PHEX: variants seen among roughly 807,000 people sequenced by gnomAD.
The protein encoded by PHEX is phosphate-regulating neutral endopeptidase PHEX.
In PHEX, 16 loss-of-function variants were observed where a neutral mutation model predicts 68.0. The ratio of observed to expected loss-of-function variants is 0.24; its 90% CI spans 0.16 to 0.36. PHEX has a LOEUF of 0.36. PHEX is among the 10% of genes least tolerant of loss of function. The probability of loss-of-function intolerance (pLI) is 1.00; values close to 1 mark genes in which losing one functional copy is unlikely to be tolerated. For missense variants in PHEX, 480 were observed against 575.5 expected (o/e 0.83, Z 1.70); for synonymous variants, 208 against 205.1 (o/e 1.01, Z -0.12).
rs905625079 is a variant in PHEX, at chrX:22,038,389, T to C, written c.119-80T>C. The stretch of plus-strand genomic sequence containing the variant: ...GAGAAGGATGAACTGATATCAAATA[T>C]CTTGCGTATGTTTCCGAGGGTGGTT... On this transcript the variant is annotated intron_variant, in intron 1 of 21. Coordinates refer to ENST00000379374, the MANE Select transcript of PHEX (RefSeq NM_000444.6). The C allele has an allele frequency of 2.0e-5, 13 of 634,185 alleles. No individual in the cohort carries two copies. In the African/African-American group the frequency reaches 2.2e-4, roughly 11 times the overall value. 52.3% of individuals were successfully genotyped at this position (634,185 alleles called of 1,213,427 possible).
intron 9 of PHEX, among the ~76,000 whole-genome samples, chrX:22,110,495 A>G (rs1930914361): frequency 9.0e-6 from 1 of 111,578 alleles, no homozygotes; most frequent in Non-Finnish European, 1.9e-5. Flanking sequence ...GTACATGTGT[A>G]CAACGTGCAG....
chrX:22,104,105 G>C (rs1930556081), intron 9 of PHEX, among the ~76,000 whole-genome samples: 1 of 111,946 alleles, frequency 8.9e-6, no homozygotes, highest in Non-Finnish European at 1.9e-5. Context: ...CTTCTTTTGA[G>C]AATTGTCTAT....
At chrX:22,214,976 G>T (rs1935041647) in intron 16 of PHEX, among the ~76,000 whole-genome samples, 1 of 111,473 alleles carries the variant, frequency 9.0e-6, no homozygotes, top group Admixed American at 9.6e-5. Context: ...AAAAATTAAA[G>T]GTTTAGGATA....
rs1470633001 is a variant in PHEX, at chrX:22,249,451, AAAAAATATATAT to A, written c.*1500_*1511del. On this transcript the variant is annotated 3_prime_UTR_variant, in exon 22 of 22. Coordinates refer to ENST00000379374, the MANE Select transcript of PHEX (RefSeq NM_000444.6). Reference sequence around the variant, plus strand: ...TGATTTGTGATTCTTTTAAAAAAAAAAAAAATATATATATATATATATATATATATATATATG... The same window carrying A: ...TGATTTGTGATTCTTTTAAAAAAAAAATATATATATATATATATATATATG... 4 of 28,521 alleles carry A rather than the reference AAAAAATATATAT, an allele frequency of 1.4e-4. No homozygotes were observed. Among genetic ancestry groups the A allele is most frequent in the African/African-American group, 6.2e-4 (3 of 4,815 alleles). The allele number at this position is 28,521 out of a possible 1,213,427, so 2.4% of individuals were successfully genotyped here. A position where few individuals can be genotyped will look rare whatever the true frequency, so the allele number is the denominator to read the frequency against.
rs1330397563 is a variant in PHEX, at chrX:22,167,702, C to A, written c.1405-610C>A. ...TAGAGACAGGGTCCCGCTGTGTTGC[C>A]CAGGCTGGTCTTGAATTCCTGGCCT... On this transcript the variant is annotated intron_variant, in intron 12 of 21. Transcript: ENST00000379374. Among the ~76,000 whole-genome samples the A allele has an allele frequency of 2.8e-5, 3 of 109,059 alleles. No homozygotes were observed. In the Admixed American group the frequency reaches 3.0e-4, roughly 11 times the overall value. The allele number at this position is 109,059 out of a possible 115,157, so 94.7% of individuals were successfully genotyped here.
intron 6 of PHEX, 130 bp downstream of exon 6, chrX:22,090,627 G>A (rs1232279240): frequency 1.4e-5 from 7 of 517,763 alleles, no homozygotes; most frequent in Non-Finnish European, 2.4e-5. Context: ...AATGCAGGAA[G>A]ACTTTTATTC....
chrX:22,212,876 A>T (rs746584893), intron 15 of PHEX, 28 bp from the exon 16 acceptor site: 10 of 1,134,593 alleles, frequency 8.8e-6, no homozygotes, highest in Non-Finnish European at 1.2e-5. Flanking sequence ...ATCTCTCTAT[A>T]TCTCTTAACA....
Position 22,251,078 on chromosome X carries a change from A to G in PHEX, c.*3125A>G, listed in dbSNP as rs942536360. 8.9e-6 allele frequency: 1 copy of G among 112,578 alleles called. No individual in the cohort carries two copies. Among genetic ancestry groups the G allele is most frequent in the Non-Finnish European group, 1.9e-5 (1 of 53,330 alleles). 9.3% of individuals were successfully genotyped at this position (112,578 alleles called of 1,213,427 possible). A position where few individuals can be genotyped will look rare whatever the true frequency, so the allele number is the denominator to read the frequency against. On this transcript the variant is annotated 3_prime_UTR_variant, in exon 22 of 22. Coordinates refer to ENST00000379374, the MANE Select transcript of PHEX (RefSeq NM_000444.6). ...GCATTTGATAGGCTTCTTCCTTGAT[A>G]CATTTAACATAACGCCTCAGTTGCA...
chrX:22,231,527 C>A (rs1396836288), intron 20 of PHEX, among the ~76,000 whole-genome samples: 3 of 111,812 alleles, frequency 2.7e-5, no homozygotes, highest in Admixed American at 9.4e-5. Flanking sequence ...GGAATTTATC[C>A]ATTTCTTCTA....
intron 5 of PHEX, among the ~76,000 whole-genome samples, chrX:22,081,637 A>T (rs904438956): frequency 9.0e-6 from 1 of 111,432 alleles, no homozygotes; most frequent in Non-Finnish European, 1.9e-5. Context: ...TCTAAGGGTT[A>T]GATATATCCC....
intron 9 of PHEX, among the ~76,000 whole-genome samples, chrX:22,108,459 T>C (rs1930801092): frequency 9.0e-6 from 1 of 111,017 alleles, no homozygotes; most frequent in African/African-American, 3.3e-5. Flanking sequence ...TTCACCACTA[T>C]ACAATTTATC....
At chrX:22,038,872 A>T (rs1303936910) in intron 2 of PHEX, among the ~76,000 whole-genome samples, 3 of 111,653 alleles carry the variant, frequency 2.7e-5, no homozygotes, top group African/African-American at 9.8e-5. Flanking sequence ...ATTCCTCTTT[A>T]CCTTAAGCAG....
At chrX:22,059,834 T>A (rs1490938575) in intron 3 of PHEX, among the ~76,000 whole-genome samples, 1 of 111,938 alleles carries the variant, frequency 8.9e-6, no homozygotes, top group East Asian at 2.8e-4. Context: ...TTACTGACAG[T>A]TAATATGTGT....
chrX:22,094,502 C>G (rs1930047653), intron 7 of PHEX, among the ~76,000 whole-genome samples: 1 of 112,335 alleles, frequency 8.9e-6, no homozygotes, highest in South Asian at 3.7e-4. Flanking sequence ...TTTAATCCAG[C>G]CCATGTTTTA....
chrX:22,120,122 T>G (rs1455154591), intron 11 of PHEX, among the ~76,000 whole-genome samples: 1 of 111,964 alleles, frequency 8.9e-6, no homozygotes, highest in Non-Finnish European at 1.9e-5. Flanking sequence ...TTTAACTAGC[T>G]GTCTGGTATT....
At chrX:22,116,013 T>G (rs1931218451) in intron 11 of PHEX, among the ~76,000 whole-genome samples, 1 of 112,368 alleles carries the variant, frequency 8.9e-6, no homozygotes, top group African/African-American at 3.2e-5. Flanking sequence ...CCTATTTTTA[T>G]TTTTTTGAAG....
At chrX:22,067,734 G>A (rs1005105117) in intron 3 of PHEX, among the ~76,000 whole-genome samples, 2 of 111,399 alleles carry the variant, frequency 1.8e-5, no homozygotes, top group Admixed American at 9.5e-5. Context: ...CTGGCAGTTT[G>A]TTAGTAATGC....
intron 12 of PHEX, among the ~76,000 whole-genome samples, chrX:22,150,093 G>T (rs1569411851): frequency 9.0e-6 from 1 of 111,099 alleles, no homozygotes; most frequent in Non-Finnish European, 1.9e-5. Flanking sequence ...CTCTTATGAA[G>T]TTTCCAGCCT....
chrX:22,040,515 T>C (rs1469043983), intron 2 of PHEX, among the ~76,000 whole-genome samples: 1 of 110,116 alleles, frequency 9.1e-6, no homozygotes, highest in Non-Finnish European at 1.9e-5. Flanking sequence ...ATAGAGAAAA[T>C]TAAAAAAAAG....
Sources: gnomAD v4.1 joint callset for allele counts (sites outside exome capture counted in the v4.1 genomes callset) on GRCh38, gnomAD v4.1.1 for gene constraint, MANE v1.5 for transcripts, NCBI Gene and HGNC (gene_info 2026-07-23, HGNC 2026-07-21) for gene names.